Variants in RERE observed in about 807,000 individuals in gnomAD.
The protein encoded by RERE is arginine-glutamic acid dipeptide repeats protein.
Under a neutral mutation model 146.1 loss-of-function variants are expected in RERE, and 40 were observed. The ratio of observed to expected loss-of-function variants is 0.27; its 90% CI spans 0.21 to 0.36. RERE has a LOEUF of 0.36. Among genes scored for constraint, RERE ranks in the 10% least tolerant of loss-of-function variants. The probability of loss-of-function intolerance (pLI) is 1.00; values close to 1 mark genes in which losing one functional copy is unlikely to be tolerated. For synonymous variants in RERE, 1,003 were observed against 866.0 expected (o/e 1.16, Z -2.78); for missense variants, 1,933 against 2,138.7 (o/e 0.90, Z 1.90).
intron 11 of RERE, among the ~76,000 whole-genome samples, chr1:8,435,822 T>C (rs1027272782): frequency 6.6e-6 from 1 of 152,222 alleles, no homozygotes; most frequent in Non-Finnish European, 1.5e-5. Context: ...GTCTAGATAA[T>C]TACACTGAGT....
At chr1:8,467,299 G>C (rs1484895405) in intron 10 of RERE, among the ~76,000 whole-genome samples, 1 of 152,218 alleles carries the variant, frequency 6.6e-6, no homozygotes, top group Non-Finnish European at 1.5e-5. Context: ...ATAAGTCACA[G>C]TCCTTATTTC....
intron 1 of RERE, among the ~76,000 whole-genome samples, chr1:8,719,047 C>T (rs190102687): frequency 9.2e-5 from 14 of 152,300 alleles, no homozygotes; most frequent in African/African-American, 3.1e-4. Flanking sequence ...TGAAGTACAT[C>T]ACCCCACTAA....
intron 1 of RERE, chr1:8,786,591 T>G (rs564405611): frequency 9.1e-6 from 7 of 768,738 alleles, no homozygotes; most frequent in Admixed American, 3.4e-5. Context: ...CACTGAAGAT[T>G]TGATAAAGGC....
chr1:8,545,982 C>CTTGTTTTTTT (rs1645855209), intron 6 of RERE, among the ~76,000 whole-genome samples: 1 of 69,466 alleles, frequency 1.4e-5, no homozygotes, highest in Non-Finnish European at 2.5e-5. Flanking sequence ...CATACCCAGT[C>CTTGTTTTTTT]TTTTTTTTTT....
At chr1:8,716,009 G>A (rs973071631) in intron 1 of RERE, among the ~76,000 whole-genome samples, 1 of 152,116 alleles carries the variant, frequency 6.6e-6, no homozygotes, top group Non-Finnish European at 1.5e-5. Context: ...GTCAGGCACA[G>A]TGGCTCACAC....
chr1:8,422,593 A>G (rs1324819753), intron 12 of RERE, 134 bp downstream of exon 12: 1 of 634,664 alleles, frequency 1.6e-6, no homozygotes, highest in African/African-American at 1.8e-5. Flanking sequence ...AGTAAAACGG[A>G]GAGAATTCTG....
chr1:8,472,462 T>C (rs1644701529), intron 10 of RERE, among the ~76,000 whole-genome samples: 1 of 152,242 alleles, frequency 6.6e-6, no homozygotes, highest in African/African-American at 2.4e-5. Context: ...CTAAGAAGGC[T>C]GTGCAAAATA....
Position 8,641,857 on chromosome 1 carries a change from T to A in RERE, c.325+14116A>T, listed in dbSNP as rs1017800627. Among the ~76,000 whole-genome samples, 49 of 152,152 alleles carry A rather than the reference T, an allele frequency of 3.2e-4. 2 individuals are homozygous for A. The highest frequency in any genetic ancestry group is 3.2e-3 in the Admixed American group (49 of 15,272). ...TTAGATCACGTGAGGCCAGGAGCCA[T>A]CCCCTTTTGGAGTTTTGATAATGGA... On this transcript the variant is annotated intron_variant, in intron 2 of 22. Transcript: ENST00000400908.
chr1:8,617,696 A>G lies in RERE; in HGVS notation c.397-3010T>C, dbSNP rs1290704269. ...ACACAGGAACAAATCATCATAGCGT[A>G]AGGCATTTTTCATAACACATGGCCT... On this transcript the variant is annotated intron_variant, in intron 3 of 22. Coordinates refer to ENST00000400908, the MANE Select transcript of RERE (RefSeq NM_001042681.2). 5.3e-5 allele frequency among the ~76,000 whole-genome samples: 8 copies of G among 152,158 alleles called. 1 individual carries two copies. The highest frequency in any genetic ancestry group is 3.3e-4 in the Admixed American group (5 of 15,274).
intron 1 of RERE, among the ~76,000 whole-genome samples, chr1:8,781,392 G>T (rs1400529057): frequency 1.3e-5 from 2 of 151,664 alleles, no homozygotes; most frequent in Non-Finnish European, 2.9e-5. Context: ...AAATTAGCTG[G>T]GTGTGGTGGC....
intron 1 of RERE, among the ~76,000 whole-genome samples, chr1:8,806,284 C>T (rs1641691343): frequency 6.6e-6 from 1 of 152,162 alleles, no homozygotes; most frequent in Non-Finnish European, 1.5e-5. Context: ...AATCCCCCAG[C>T]ACTTTGGGAG....
intron 1 of RERE, among the ~76,000 whole-genome samples, chr1:8,705,982 G>A (rs1639551836): frequency 6.6e-6 from 1 of 151,860 alleles, no homozygotes. Context: ...CGGGCGTGGT[G>A]GCGGCCACCT....
At chr1:8,599,981 T>G (rs1027127910) in intron 4 of RERE, among the ~76,000 whole-genome samples, 6 of 152,132 alleles carry the variant, frequency 3.9e-5, no homozygotes, top group Non-Finnish European at 8.8e-5. Flanking sequence ...AAATCTGACT[T>G]TGAACTGTAA....
At chr1:8,481,076 G>C (rs763158217) in intron 10 of RERE, among the ~76,000 whole-genome samples, 6 of 152,206 alleles carry the variant, frequency 3.9e-5, no homozygotes, top group Admixed American at 6.5e-5. Flanking sequence ...AAGGATTTCT[G>C]ATTGGCTAAA....
chr1:8,774,951 C>CTTTTTTTTTTTTTTTTTTT (rs869173167), intron 1 of RERE, among the ~76,000 whole-genome samples: 3 of 47,970 alleles, frequency 6.3e-5, no homozygotes, highest in African/African-American at 1.4e-4. Flanking sequence ...TTCTTTCTTT[C>CTTTTTTTTTTTTTTTTTTT]TTTTTTTTTT....
At chr1:8,374,167 G>C (rs1334144657) in intron 12 of RERE, among the ~76,000 whole-genome samples, 6 of 152,180 alleles carry the variant, frequency 3.9e-5, no homozygotes, top group African/African-American at 1.4e-4. Flanking sequence ...CCCACAGTGA[G>C]GAGGCAGCTG....
At chr1:8,581,298 G>C (rs1557696193) in intron 4 of RERE, among the ~76,000 whole-genome samples, 1 of 152,132 alleles carries the variant, frequency 6.6e-6, no homozygotes. Flanking sequence ...TTAAGACTCT[G>C]TCAATTTTAA....
chr1:8,578,199 G>T (rs1035374329), intron 4 of RERE, among the ~76,000 whole-genome samples: 1 of 152,078 alleles, frequency 6.6e-6, no homozygotes, highest in Non-Finnish European at 1.5e-5. Flanking sequence ...AACATATTTT[G>T]TCTATGTTTC....
At chr1:8,660,167 C>A (rs1053083912) in intron 1 of RERE, among the ~76,000 whole-genome samples, 2 of 152,048 alleles carry the variant, frequency 1.3e-5, no homozygotes, top group Admixed American at 6.5e-5. Context: ...AAAGTCAATC[C>A]AATTACCATT....
Sources: allele counts gnomAD v4.1 joint callset (sites outside exome capture counted in the v4.1 genomes callset), GRCh38; gene constraint gnomAD v4.1.1; transcripts MANE v1.5; gene names NCBI Gene and HGNC (gene_info 2026-07-23, HGNC 2026-07-21).